The following ANKRD17 variants were observed in gnomAD, a reference collection of about 807,000 sequenced individuals.
The protein encoded by ANKRD17 is ankyrin repeat domain 17.
ANKRD17 carries 19 observed loss-of-function variants against 229.7 expected under a neutral mutation model. The observed-to-expected ratio is 0.08, with a 90% CI of 0.06 to 0.12. The LOEUF is 0.12. ANKRD17 is among the 10% of genes least tolerant of loss of function. ANKRD17 has a pLI of 1.00. For missense variants in ANKRD17, 2,176 were observed against 3,176.8 expected, an observed-to-expected ratio of 0.68 and a Z score of 7.57; for synonymous variants, 1,112 against 1,146.1, an observed-to-expected ratio of 0.97 and a Z score of 0.60.
At chr4:73,081,711 G>A (rs995619154) in intron 30 of ANKRD17, among the ~76,000 whole-genome samples, 3 of 152,144 alleles carry the variant, frequency 2.0e-5, no homozygotes, top group Non-Finnish European at 4.4e-5. Flanking sequence ...AAAAAATCAT[G>A]TACAGCACTT....
chr4:73,124,224 T>C (rs986953405), intron 18 of ANKRD17, among the ~76,000 whole-genome samples: 7 of 134,856 alleles, frequency 5.2e-5, no homozygotes, highest in Non-Finnish European at 9.1e-5. Context: ...AATTCCTTGA[T>C]AGAGAAGGGA....
chr4:73,104,361 T>C (rs1210687608), intron 24 of ANKRD17, among the ~76,000 whole-genome samples: 1 of 152,160 alleles, frequency 6.6e-6, no homozygotes, highest in Non-Finnish European at 1.5e-5. Flanking sequence ...TGCTTATGTG[T>C]TTTCTCCACG....
intron 20 of ANKRD17, among the ~76,000 whole-genome samples, 197 bp from the exon 21 acceptor site, chr4:73,120,534 G>A (rs1453148516): frequency 4.4e-5 from 6 of 137,182 alleles, no homozygotes; most frequent in East Asian, 2.1e-4. Flanking sequence ...TAATCTCAAC[G>A]GTATTGCAAA....
chr4:73,200,730 ATTC>A (rs969259351), intron 1 of ANKRD17, among the ~76,000 whole-genome samples: 115 of 152,198 alleles, frequency 7.6e-4, no homozygotes, highest in African/African-American at 2.7e-3. Flanking sequence ...AAAAATCAGA[ATTC>A]TTCTTTCCCA....
intron 1 of ANKRD17, among the ~76,000 whole-genome samples, chr4:73,249,600 T>C (rs1744803281): frequency 6.6e-6 from 1 of 152,260 alleles, no homozygotes. Flanking sequence ...CTCACGCCTA[T>C]AATCCCAGCA....
intron 1 of ANKRD17, among the ~76,000 whole-genome samples, chr4:73,180,860 T>C (rs1157307908): frequency 6.6e-6 from 1 of 152,166 alleles, no homozygotes; most frequent in Non-Finnish European, 1.5e-5. Context: ...AGACCCCCAA[T>C]TCTGCTTAAT....
chr4:73,241,181 T>G (rs527811364), intron 1 of ANKRD17, among the ~76,000 whole-genome samples: 2 of 152,036 alleles, frequency 1.3e-5, no homozygotes, highest in African/African-American at 4.8e-5. Flanking sequence ...TGGAAATACA[T>G]AAAATAAAGG....
intron 16 of ANKRD17, 103 bp downstream of exon 16, chr4:73,135,014 A>C: frequency 8.5e-7 from 1 of 1,180,762 alleles, no homozygotes; most frequent in Non-Finnish European, 1.2e-6. Context: ...GACTTTGCCT[A>C]GAGACAAAGC....
intron 1 of ANKRD17, among the ~76,000 whole-genome samples, chr4:73,228,154 A>AT (rs781391171): frequency 8.3e-4 from 126 of 152,322 alleles, no homozygotes; most frequent in Middle Eastern, 3.4e-3. Flanking sequence ...ATAGTAAAGC[A>AT]TAAGTATGAA....
chr4:73,258,626 C>T lies in ANKRD17; in HGVS notation c.43G>A (p.Glu15Lys), dbSNP rs945573287. 3 of 1,488,338 alleles carry T rather than the reference C, an allele frequency of 2.0e-6. No individual in the cohort carries two copies. The highest frequency in any genetic ancestry group is 2.9e-5 in the African/African-American group (2 of 68,178). The allele number at this position is 1,488,338 out of a possible 1,614,324, so 92.2% of individuals were successfully genotyped here. Residue 15 changes from glutamate to lysine, a missense_variant, in exon 1 of 34, where the codon GAA becomes AAA. By Grantham distance (56) the Glu-to-Lys change is moderately conservative. Around this residue, in one of 18 missense-constraint regions of ANKRD17, gnomAD observed 196 missense variants for 190.0 expected, o/e 1.03. Coordinates refer to ENST00000358602, the MANE Select transcript of ANKRD17 (RefSeq NM_032217.5). ...ACCGCCGGGGGGCTCCCTTCTCCTTCTGCAGCCGTCGCCGCCGCCACCGGA... is the reference window on the plus strand; with the variant it reads ...ACCGCCGGGGGGCTCCCTTCTCCTTTTGCAGCCGTCGCCGCCGCCACCGGA... ...TVPVAAATAAEGEGSPPAVAA... is the reference protein window; with the variant it reads ...TVPVAAATAAKGEGSPPAVAA...
chr4:73,115,887 G>C lies in ANKRD17; in HGVS notation c.4218C>G (p.Val1406=), dbSNP rs1725879048. ...KGHVKVVRYL[V]KEVNQFPSDS... is the part of the protein sequence containing the mutation. ...CTGATGGAAACTGATTGACTTCTTTGACTAAGTAGCGCACCACCTTCACAT... is the reference window on the plus strand; with the variant it reads ...CTGATGGAAACTGATTGACTTCTTTCACTAAGTAGCGCACCACCTTCACAT... Residue 1406 remains valine, a synonymous_variant, in exon 23 of 34, where the codon GTC becomes GTG. Coordinates refer to ENST00000358602, the MANE Select transcript of ANKRD17 (RefSeq NM_032217.5). The C allele has an allele frequency of 6.2e-7, 1 of 1,613,390 alleles. No individual in the cohort carries two copies. Among genetic ancestry groups the C allele is most frequent in the Non-Finnish European group, 8.5e-7 (1 of 1,179,910 alleles).
At chr4:73,217,273 T>C (rs1319297892) in intron 1 of ANKRD17, among the ~76,000 whole-genome samples, 5 of 152,194 alleles carry the variant, frequency 3.3e-5, no homozygotes, top group Non-Finnish European at 7.3e-5. Context: ...ACAAGCTATT[T>C]GGAGCCTCCA....
At chr4:73,090,286 T>C (rs573626522) in intron 29 of ANKRD17, among the ~76,000 whole-genome samples, 1 of 152,272 alleles carries the variant, frequency 6.6e-6, no homozygotes, top group African/African-American at 2.4e-5. Flanking sequence ...GGTGCACGTC[T>C]GTAATCCCAG....
At position 73,192,630 on chromosome 4, in the gene ANKRD17, T is replaced by C. The variant is rs546122165; in HGVS notation, c.394-15097A>G. Among the ~76,000 whole-genome samples, 82 of 152,234 alleles carry C rather than the reference T, an allele frequency of 5.4e-4. 1 individual carries two copies. In the South Asian group the frequency reaches 0.016, roughly 29 times the overall value. Reference sequence around the variant, plus strand: ...GAGAAAAAACAACTTCTTTAGACTTTCAAACAAAAATATAAAGAATCACCC... The same window carrying C: ...GAGAAAAAACAACTTCTTTAGACTTCCAAACAAAAATATAAAGAATCACCC... On this transcript the variant is annotated intron_variant, in intron 1 of 33. Coordinates refer to ENST00000358602, the MANE Select transcript of ANKRD17 (RefSeq NM_032217.5).
At chr4:73,117,030 A>G (rs975426799) in intron 22 of ANKRD17, among the ~76,000 whole-genome samples, 4 of 152,238 alleles carry the variant, frequency 2.6e-5, no homozygotes, top group African/African-American at 9.6e-5. Context: ...AATAACTAAT[A>G]AAAATAACAA....
At chr4:73,119,189 C>T (rs1287992252) in intron 21 of ANKRD17, among the ~76,000 whole-genome samples, 1 of 152,054 alleles carries the variant, frequency 6.6e-6, no homozygotes, top group African/African-American at 2.4e-5. Context: ...CCTAGCCTAG[C>T]ATTGTCTTAA....
At chr4:73,168,417 T>C (rs1733522376) in intron 2 of ANKRD17, among the ~76,000 whole-genome samples, 3 of 151,474 alleles carry the variant, frequency 2.0e-5, no homozygotes, top group South Asian at 4.1e-4. Context: ...TAAGATATGA[T>C]ATATAGTGCT....
At chr4:73,143,743 A>G (rs1729892141) in intron 11 of ANKRD17, among the ~76,000 whole-genome samples, 1 of 152,010 alleles carries the variant, frequency 6.6e-6, no homozygotes, top group Non-Finnish European at 1.5e-5. Flanking sequence ...TATGGCCTAC[A>G]TCTTTTTTTT....
chr4:73,163,228 G>A (rs1330086134), intron 2 of ANKRD17, among the ~76,000 whole-genome samples: 5 of 152,078 alleles, frequency 3.3e-5, no homozygotes, highest in African/African-American at 4.8e-5. Context: ...TAAGTAGAAA[G>A]CAGGGCCTGG....
Sources: allele counts gnomAD v4.1 joint callset (sites outside exome capture counted in the v4.1 genomes callset), GRCh38; gene constraint gnomAD v4.1.1; regional missense constraint gnomAD v4.1.1; transcripts MANE v1.5; gene names NCBI Gene and HGNC (gene_info 2026-07-23, HGNC 2026-07-21).